BOP1: variants seen among roughly 807,000 people sequenced by gnomAD.
The protein encoded by BOP1 is ribosome biogenesis protein BOP1.
A neutral mutation model predicts 82.9 loss-of-function variants in BOP1; 54 were observed. That is an observed-to-expected ratio of 0.65 (90% CI 0.52 to 0.82). The LOEUF is 0.82. Among genes scored for constraint, BOP1 ranks in the 40% least tolerant of loss-of-function variants. The probability of loss-of-function intolerance (pLI) is 0.00; values close to 1 mark genes in which losing one functional copy is unlikely to be tolerated. For synonymous variants in BOP1, 566 were observed against 451.1 expected (o/e 1.25, Z -3.23); for missense variants, 1,170 against 1,072.0 (o/e 1.09, Z -1.28).
chr8:144,262,808 C>G (rs1199095310), intron 13 of BOP1, 45 bp downstream of exon 13: 1 of 515,236 alleles, frequency 1.9e-6, no homozygotes, highest in Non-Finnish European at 3.3e-6. Context: ...ACACCGCCCC[C>G]CCCCCCACCC....
intron 2 of BOP1, among the ~76,000 whole-genome samples, chr8:144,286,724 C>T (rs1205615155): frequency 3.9e-5 from 6 of 152,332 alleles, no homozygotes; most frequent in African/African-American, 1.2e-4. Flanking sequence ...CTCTGAGGAC[C>T]GCCCCACCAG....
chr8:144,283,229 AG>A (rs1456109695), intron 2 of BOP1, among the ~76,000 whole-genome samples: 1 of 148,486 alleles, frequency 6.7e-6, no homozygotes, highest in Non-Finnish European at 1.5e-5. Context: ...AAAAAAAGAA[AG>A]GCTCCATGGT....
intron 3 of BOP1, among the ~76,000 whole-genome samples, chr8:144,270,410 G>A (rs1845473512): frequency 1.3e-5 from 2 of 152,260 alleles, no homozygotes; most frequent in South Asian, 2.1e-4. Context: ...GAGCTGAAAG[G>A]ATCCCCAGGG....
chr8:144,273,860 C>A (rs1016835452), intron 3 of BOP1, among the ~76,000 whole-genome samples: 15 of 152,218 alleles, frequency 9.9e-5, no homozygotes, highest in African/African-American at 3.6e-4. Flanking sequence ...CTCCGCCCGC[C>A]TCCCTCCGCC....
At chr8:144,285,401 C>A (rs1472235468) in intron 2 of BOP1, among the ~76,000 whole-genome samples, 2 of 152,224 alleles carry the variant, frequency 1.3e-5, no homozygotes, top group South Asian at 2.1e-4. Context: ...TCTTGCCAAC[C>A]ACTGTGGAGG....
Position 144,262,956 on chromosome 8 carries a change from C to A in BOP1, c.1791G>T (p.Ala597=). The A allele has an allele frequency of 6.5e-7, 1 of 1,547,514 alleles. No individual in the cohort carries two copies. The highest frequency in any genetic ancestry group is 1.9e-5 in the Admixed American group (1 of 52,426). ...FHPARPFLLV[A]SQRSVRLYHL... is the part of the protein sequence containing the mutation. ...GGTAGAGGCGGACGCTGCGCTGGGA[C>A]GCCACCAACAGGAAGGGCCGGGCAG... is the stretch of plus-strand genomic sequence containing the variant. The change falls in exon 13 of 16, where the codon GCG becomes GCT. Residue 597 remains alanine, a synonymous_variant. Transcript: ENST00000569669.
intron 3 of BOP1, among the ~76,000 whole-genome samples, chr8:144,274,016 C>T (rs1380697525): frequency 6.6e-6 from 1 of 152,016 alleles, no homozygotes; most frequent in Non-Finnish European, 1.5e-5. Context: ...AGGTCCAGGC[C>T]CTGGATCCAG....
At chr8:144,268,346 C>T (rs1315320900) in intron 3 of BOP1, 1 of 673,938 alleles carries the variant, frequency 1.5e-6, no homozygotes, top group South Asian at 1.9e-5. Flanking sequence ...CTGGCCCCAG[C>T]ACCTGCCCGG....
chr8:144,262,698 T>TG, intron 13 of BOP1, 26 bp from the exon 14 acceptor site: 1 of 1,611,184 alleles, frequency 6.2e-7, no homozygotes, highest in Non-Finnish European at 8.5e-7. Context: ...GTGATGCAGG[T>TG]GTTCCCGCTC....
chr8:144,262,398 G>C lies in BOP1; in HGVS notation c.2085C>G (p.Tyr695Ter). The C allele has an allele frequency of 6.2e-7, 1 of 1,612,718 alleles. No individual in the cohort carries two copies. Among genetic ancestry groups the C allele is most frequent in the Admixed American group, 1.7e-5 (1 of 59,996 alleles). Residue 695 changes from tyrosine (Y) to a stop codon, truncating the protein, a stop_gained and splice_region_variant, in exon 15 of 16, where the codon TAC becomes TAG. Transcript: ENST00000569669. LOFTEE classifies it high-confidence loss of function. ...GGCCAGGCAGGGTCAGCACTCACTT[G>C]TACACCATGCCATGGCAGACGATGA... ...GSVIVCHGMVYNDLLQNPLLV... is the reference protein window; with the variant it reads ...GSVIVCHGMV
intron 3 of BOP1, chr8:144,267,108 T>C (rs1845390674): frequency 1.4e-6 from 2 of 1,448,390 alleles, no homozygotes; most frequent in African/African-American, 1.5e-5. Context: ...CCCCGCCGCC[T>C]CCCGCCCGCG....
chr8:144,290,369 GGAAAA>G (rs1294851921), intron 1 of BOP1, among the ~76,000 whole-genome samples: 6 of 151,318 alleles, frequency 4.0e-5, no homozygotes, highest in East Asian at 1.9e-4. Context: ...AGAAAGAAAA[GGAAAA>G]GAAAAGAAAA....
chr8:144,268,020 G>GA, intron 3 of BOP1: 1 of 1,541,966 alleles, frequency 6.5e-7, no homozygotes, highest in East Asian at 2.4e-5. Context: ...GGCCACCTGA[G>GA]ATGGCACCCA....
chr8:144,266,852 C>A (rs1405755515), intron 3 of BOP1: 3 of 1,394,398 alleles, frequency 2.2e-6, no homozygotes, highest in Non-Finnish European at 2.8e-6. Flanking sequence ...CGGCACACGG[C>A]GAACGCGCGC....
Position 144,263,710 on chromosome 8 carries a change from C to G in BOP1, c.1273G>C (p.Gly425Arg). 6.4e-7 allele frequency: 1 copy of G among 1,574,134 alleles called. No individual in the cohort carries two copies. Among genetic ancestry groups the G allele is most frequent in the Non-Finnish European group, 8.6e-7 (1 of 1,161,040 alleles). ...GACCCACCTGAAACCAGCCACTGGC[C>G]CCCAGGAGAGACACTGAGGCACCGG... ...LVRCLSVSPG[G>R]QWLVSGSDDG... The change falls in exon 10 of 16, where the codon GGC becomes CGC. Residue 425 changes from glycine (G) to arginine (R), a missense_variant. Transcript: ENST00000569669.
rs782068707 is a variant in BOP1 at position 144,289,113 on chromosome 8, G to A, written c.291C>T (p.Thr97=). 1.5e-5 allele frequency: 24 copies of A among 1,614,114 alleles called. No individual in the cohort carries two copies. The Admixed American group carries it at 3.5e-4, about 24-fold the overall frequency. The stretch of plus-strand genomic sequence containing the variant: ...CACCCACCTGCACCTGCTCCTCAGT[G>A]GTCTTTTTAATCCCACTGTGGCCCT... ...DDEGHSGIKK[T]TEEQVQASTP... Residue 97 remains threonine (T), a synonymous_variant, in exon 2 of 16, where the codon ACC becomes ACT. Transcript: ENST00000569669.
At chr8:144,289,028 G>A in intron 2 of BOP1, 67 bp downstream of exon 2, 1 of 1,552,108 alleles carries the variant, frequency 6.4e-7, no homozygotes, top group Non-Finnish European at 8.9e-7. Context: ...TACAGTGGCA[G>A]TCTCAGAAAG....
intron 3 of BOP1, among the ~76,000 whole-genome samples, chr8:144,273,181 G>A (rs1015173498): frequency 3.9e-5 from 6 of 152,272 alleles, no homozygotes; most frequent in African/African-American, 9.6e-5. Flanking sequence ...GGGGCGGCCC[G>A]GAGGAGCGGA....
At chr8:144,290,757 G>T (rs1461829649) in intron 1 of BOP1, among the ~76,000 whole-genome samples, 1 of 152,198 alleles carries the variant, frequency 6.6e-6, no homozygotes, top group Non-Finnish European at 1.5e-5. Flanking sequence ...GGCCGAGGGG[G>T]CTGTGAGGGG....
Sources: gnomAD v4.1 joint callset for allele counts (sites outside exome capture counted in the v4.1 genomes callset) on GRCh38, gnomAD v4.1.1 for gene constraint, MANE v1.5 for transcripts, NCBI Gene and HGNC (gene_info 2026-07-23, HGNC 2026-07-21) for gene names.